Variants in MATN2 observed in about 807,000 individuals in gnomAD.
The protein encoded by MATN2 is matrilin 2.
A neutral mutation model predicts 103.2 loss-of-function variants in MATN2; 69 were observed. The observed-to-expected ratio is 0.67, with a 90% CI of 0.55 to 0.82. The LOEUF (loss-of-function observed/expected upper bound fraction) is 0.82. Among genes scored for constraint, MATN2 ranks in the 40% least tolerant of loss-of-function variants. MATN2 has a pLI of 0.00. For synonymous variants in MATN2, 429 were observed against 450.2 expected (o/e 0.95, Z 0.60); for missense variants, 1,023 against 1,211.5 (o/e 0.84, Z 2.31).
At chr8:97,974,210 C>T (rs1392773791) in intron 5 of MATN2, among the ~76,000 whole-genome samples, 2 of 151,950 alleles carry the variant, frequency 1.3e-5, no homozygotes, top group Non-Finnish European at 2.9e-5. Context: ...ACAATCTCAG[C>T]TCACTGCAAC....
intron 11 of MATN2, among the ~76,000 whole-genome samples, chr8:98,016,974 G>A (rs1041583226): frequency 5.4e-4 from 82 of 152,086 alleles, no homozygotes; most frequent in African/African-American, 1.7e-3. Context: ...AATTCTTTGC[G>A]CTATCTTCTC....
chr8:98,027,348 T>C, intron 13 of MATN2, 68 bp from the exon 14 acceptor site: 2 of 1,405,006 alleles, frequency 1.4e-6, no homozygotes, highest in Non-Finnish European at 1.9e-6. Context: ...TGAAGCATCA[T>C]TTTATTCTAC....
intron 2 of MATN2, among the ~76,000 whole-genome samples, chr8:97,898,896 G>T (rs375940737): frequency 6.7e-6 from 1 of 149,768 alleles, no homozygotes; most frequent in Non-Finnish European, 1.5e-5. Context: ...TTACAAGCAC[G>T]CACCACCATA....
At chr8:97,892,436 A>AG (rs1188069813) in intron 2 of MATN2, among the ~76,000 whole-genome samples, 4 of 151,254 alleles carry the variant, frequency 2.6e-5, no homozygotes, top group East Asian at 3.9e-4. Flanking sequence ...AAAAAAAAAA[A>AG]AAGAAGAGTA....
intron 5 of MATN2, among the ~76,000 whole-genome samples, chr8:97,965,404 G>A (rs1055566368): frequency 1.3e-5 from 2 of 152,214 alleles, no homozygotes; most frequent in Non-Finnish European, 2.9e-5. Context: ...GGGAAGACCA[G>A]ATAGGAGATT....
intron 2 of MATN2, among the ~76,000 whole-genome samples, chr8:97,901,669 C>T (rs1344675877): frequency 1.3e-5 from 2 of 152,190 alleles, no homozygotes; most frequent in Non-Finnish European, 2.9e-5. Flanking sequence ...AAGGATACTG[C>T]AGGGTCAGGC....
At chr8:97,883,490 C>A (rs1818320316) in intron 1 of MATN2, among the ~76,000 whole-genome samples, 2 of 151,480 alleles carry the variant, frequency 1.3e-5, no homozygotes, top group South Asian at 2.1e-4. Flanking sequence ...CGGGCTCAAG[C>A]AATCCTCCAG....
At chr8:97,993,455 C>A (rs1338914896) in intron 6 of MATN2, among the ~76,000 whole-genome samples, 1 of 151,524 alleles carries the variant, frequency 6.6e-6, no homozygotes, top group Non-Finnish European at 1.5e-5. Flanking sequence ...ATAAAAGTTT[C>A]TTTCCATATT....
At position 98,027,411 on chromosome 8, in the gene MATN2, T is replaced by C. The variant is rs770689718; in HGVS notation, c.1943-5T>C. 5.7e-6 allele frequency: 9 copies of C among 1,591,618 alleles called. No homozygotes were observed. Among genetic ancestry groups the C allele is most frequent in the South Asian group, 2.2e-5 (2 of 89,304 alleles). ...ACTATGTCAACTTTCCTTCTGTTCATATAGAATGCACTGAAGGCCCAATTG... is the reference window on the plus strand; with the variant it reads ...ACTATGTCAACTTTCCTTCTGTTCACATAGAATGCACTGAAGGCCCAATTG... On this transcript the variant is annotated splice_region_variant and splice_polypyrimidine_tract_variant and intron_variant, in intron 13 of 18. Transcript: ENST00000254898.
At chr8:97,917,622 A>G (rs1809675328) in intron 2 of MATN2, among the ~76,000 whole-genome samples, 1 of 152,208 alleles carries the variant, frequency 6.6e-6, no homozygotes, top group Non-Finnish European at 1.5e-5. Context: ...GCCATCTGCT[A>G]CTTTTCTTCT....
At chr8:98,019,947 A>C (rs1394499239) in intron 12 of MATN2, among the ~76,000 whole-genome samples, 1 of 152,178 alleles carries the variant, frequency 6.6e-6, no homozygotes, top group African/African-American at 2.4e-5. Context: ...TTCCTCCAGG[A>C]AGAGGGACTC....
intron 4 of MATN2, among the ~76,000 whole-genome samples, chr8:97,948,017 G>A (rs1810810557): frequency 6.6e-6 from 1 of 152,092 alleles, no homozygotes; most frequent in South Asian, 2.1e-4. Context: ...CATTAACATT[G>A]AAAGCTATCG....
intron 2 of MATN2, among the ~76,000 whole-genome samples, chr8:97,909,638 G>GCA (rs1819293558): frequency 6.6e-6 from 1 of 152,196 alleles, no homozygotes. Flanking sequence ...AGGGAGGCCA[G>GCA]TGTGGCTCTT....
chr8:97,903,283 A>ATATC (rs139239718), intron 2 of MATN2, among the ~76,000 whole-genome samples: 5,369 of 152,200 alleles, frequency 0.035, 128 homozygotes, highest in South Asian at 0.059. Context: ...TAGGAACACT[A>ATATC]TATCTATTGC....
chr8:98,009,006 C>T (rs1262290739), intron 10 of MATN2, among the ~76,000 whole-genome samples: 1 of 152,172 alleles, frequency 6.6e-6, no homozygotes, highest in Non-Finnish European at 1.5e-5. Flanking sequence ...AAGTGTTGCC[C>T]ATTTTCTCAT....
intron 11 of MATN2, 138 bp downstream of exon 11, chr8:98,016,800 C>A: frequency 3.1e-6 from 3 of 964,326 alleles, no homozygotes; most frequent in Admixed American, 2.6e-5. Flanking sequence ...CTGGATAGGA[C>A]CCTGAAAGAG....
intron 2 of MATN2, among the ~76,000 whole-genome samples, chr8:97,920,050 G>A (rs1390495069): frequency 2.0e-5 from 3 of 152,150 alleles, no homozygotes; most frequent in Non-Finnish European, 4.4e-5. Context: ...TATAGGGCAG[G>A]GAGTGGTGGC....
intron 13 of MATN2, among the ~76,000 whole-genome samples, chr8:98,026,109 G>A (rs1424264217): frequency 1.3e-5 from 2 of 149,676 alleles, no homozygotes; most frequent in African/African-American, 4.9e-5. Flanking sequence ...AACCCAGGAA[G>A]TGGAGGTTGC....
chr8:97,909,850 C>A (rs1204616661), intron 2 of MATN2, among the ~76,000 whole-genome samples: 1 of 151,322 alleles, frequency 6.6e-6, no homozygotes, highest in Non-Finnish European at 1.5e-5. Flanking sequence ...GTGGCGTGAT[C>A]TTGGCTCACT....
Sources: gnomAD v4.1 joint callset for allele counts (sites outside exome capture counted in the v4.1 genomes callset) on GRCh38, gnomAD v4.1.1 for gene constraint, MANE v1.5 for transcripts, NCBI Gene and HGNC (gene_info 2026-07-23, HGNC 2026-07-21) for gene names.